The following FOXP1 variants were observed in gnomAD, a reference collection of about 807,000 sequenced individuals.
FOXP1 encodes forkhead box protein P1.
A neutral mutation model predicts 98.2 loss-of-function variants in FOXP1; 15 were observed. The ratio of observed to expected loss-of-function variants is 0.15; its 90% CI spans 0.10 to 0.24. FOXP1 has a LOEUF of 0.24. Among genes scored for constraint, FOXP1 ranks in the 10% least tolerant of loss-of-function variants. FOXP1 has a pLI of 1.00. For synonymous variants in FOXP1, 371 were observed against 314.5 expected (o/e 1.18, Z -1.90); for missense variants, 633 against 848.5 (o/e 0.75, Z 3.15).
chr3:71,376,959 G>A (rs1031956759), intron 3 of FOXP1, among the ~76,000 whole-genome samples: 26 of 151,982 alleles, frequency 1.7e-4, no homozygotes, highest in African/African-American at 5.8e-4. Context: ...ACTCAAAAGT[G>A]AGCAAAATGC....
intron 12 of FOXP1, among the ~76,000 whole-genome samples, chr3:71,008,356 T>C (rs1022970591): frequency 3.3e-5 from 5 of 152,186 alleles, no homozygotes; most frequent in African/African-American, 1.2e-4. Context: ...TTTCACCTGG[T>C]TTGAAAAGAA....
intron 9 of FOXP1, among the ~76,000 whole-genome samples, chr3:71,052,169 G>A (rs2049984374): frequency 6.8e-6 from 1 of 147,644 alleles, no homozygotes; most frequent in Non-Finnish European, 1.5e-5. Flanking sequence ...TGTGAGCTGG[G>A]GAAAAAAAAA....
intron 3 of FOXP1, among the ~76,000 whole-genome samples, chr3:71,388,291 A>G (rs762173177): frequency 6.6e-6 from 1 of 152,248 alleles, no homozygotes. Context: ...AGCAGCTTAA[A>G]TGTTAAACGG....
chr3:71,503,484 T>G (rs1577890644), intron 2 of FOXP1, among the ~76,000 whole-genome samples: 2 of 150,468 alleles, frequency 1.3e-5, no homozygotes, highest in East Asian at 3.9e-4. Context: ...ACCTGTAATC[T>G]CAGATACCCG....
At chr3:71,477,368 G>A (rs774845031) in intron 3 of FOXP1, among the ~76,000 whole-genome samples, 2 of 152,130 alleles carry the variant, frequency 1.3e-5, no homozygotes, top group Non-Finnish European at 2.9e-5. Context: ...TAAAACTCTC[G>A]TAATCAAATG....
intron 6 of FOXP1, among the ~76,000 whole-genome samples, chr3:71,176,603 TG>T (rs1269021741): frequency 6.6e-6 from 1 of 152,008 alleles, no homozygotes; most frequent in Non-Finnish European, 1.5e-5. Context: ...TGGCTGGGCC[TG>T]GTGGCATGTG....
At chr3:71,027,047 T>C (rs2046221687) in intron 11 of FOXP1, among the ~76,000 whole-genome samples, 1 of 152,212 alleles carries the variant, frequency 6.6e-6, no homozygotes, top group Non-Finnish European at 1.5e-5. Flanking sequence ...AACACTGGGA[T>C]CTCGTTAAGA....
intron 13 of FOXP1, among the ~76,000 whole-genome samples, chr3:70,996,624 G>C (rs1004885363): frequency 3.9e-5 from 6 of 152,136 alleles, no homozygotes; most frequent in African/African-American, 1.2e-4. Context: ...ATTCAAGGAG[G>C]CTGTCTAGGT....
intron 3 of FOXP1, among the ~76,000 whole-genome samples, chr3:71,471,968 G>A (rs1420095327): frequency 6.6e-6 from 1 of 152,122 alleles, no homozygotes; most frequent in Non-Finnish European, 1.5e-5. Flanking sequence ...GAGGTTCCCT[G>A]TACTTCTTCC....
At chr3:71,241,196 T>C (rs2067248807) in intron 5 of FOXP1, among the ~76,000 whole-genome samples, 1 of 151,078 alleles carries the variant, frequency 6.6e-6, no homozygotes, top group South Asian at 2.1e-4. Flanking sequence ...GGCGACAGTG[T>C]GAGATTCCAT....
At chr3:71,339,088 A>G in intron 4 of FOXP1, among the ~76,000 whole-genome samples, 1 of 152,236 alleles carries the variant, frequency 6.6e-6, no homozygotes, top group Non-Finnish European at 1.5e-5. Flanking sequence ...TGATCCAAAT[A>G]TTCTCTTCAG....
chr3:71,487,726 A>C (rs2090761221), intron 3 of FOXP1, among the ~76,000 whole-genome samples: 1 of 152,210 alleles, frequency 6.6e-6, no homozygotes, highest in Non-Finnish European at 1.5e-5. Flanking sequence ...ATGTGAACGA[A>C]AGTCTGCCCA....
At chr3:71,183,143 C>T (rs544562001) in intron 6 of FOXP1, among the ~76,000 whole-genome samples, 2 of 151,982 alleles carry the variant, frequency 1.3e-5, no homozygotes, top group Non-Finnish European at 2.9e-5. Context: ...CACATTATTT[C>T]GGTAGGTTAA....
chr3:71,210,448 T>C (rs2064366690), intron 5 of FOXP1, among the ~76,000 whole-genome samples: 1 of 152,198 alleles, frequency 6.6e-6, no homozygotes, highest in South Asian at 2.1e-4. Context: ...GAGCATTCAG[T>C]GCCCTGGTAG....
chr3:71,515,596 T>C (rs1037334039), intron 2 of FOXP1, among the ~76,000 whole-genome samples: 1 of 151,932 alleles, frequency 6.6e-6, no homozygotes, highest in Non-Finnish European at 1.5e-5. Flanking sequence ...AATCTAACAT[T>C]ACTGCAAAGT....
At chr3:70,967,416 A>G (rs921430322) in intron 19 of FOXP1, among the ~76,000 whole-genome samples, 1 of 152,168 alleles carries the variant, frequency 6.6e-6, no homozygotes, top group Non-Finnish European at 1.5e-5. Flanking sequence ...GGCCCTATGT[A>G]AGCCCACAGC....
chr3:71,257,963 A>G (rs557544447), intron 5 of FOXP1, among the ~76,000 whole-genome samples: 151 of 152,362 alleles, frequency 9.9e-4, no homozygotes, highest in Admixed American at 4.6e-3. Context: ...GACAGTGAAC[A>G]CAAAATACCT....
intron 3 of FOXP1, among the ~76,000 whole-genome samples, chr3:71,454,857 G>GA (rs1560509507): frequency 6.6e-6 from 1 of 151,506 alleles, no homozygotes; most frequent in Admixed American, 6.6e-5. Context: ...CACTGAATTA[G>GA]AATCACTGGC....
chr3:71,351,624 C>G (rs1443384338), intron 4 of FOXP1, among the ~76,000 whole-genome samples: 4 of 152,118 alleles, frequency 2.6e-5, no homozygotes, highest in Non-Finnish European at 5.9e-5. Context: ...CAGATTCACC[C>G]TGGTAAATAA....
Sources: allele counts gnomAD v4.1 joint callset (sites outside exome capture counted in the v4.1 genomes callset), GRCh38; gene constraint gnomAD v4.1.1; transcripts MANE v1.5; gene names NCBI Gene and HGNC (gene_info 2026-07-23, HGNC 2026-07-21).